The following PXT1 variants were observed in gnomAD, a reference collection of about 807,000 sequenced individuals.
PXT1 encodes the protein peroxisomal testis-specific protein 1.
Under a neutral mutation model 11.0 loss-of-function variants are expected in PXT1, and 11 were observed. The observed-to-expected ratio is 1.00, with a 90% CI of 0.63 to 1.66. The LOEUF (loss-of-function observed/expected upper bound fraction) is 1.66, where lower values mean the gene tolerates loss of function less well. Ranked by LOEUF, PXT1 falls within the 40% of genes most tolerant of loss-of-function variation. The pLI, the probability that PXT1 is intolerant of heterozygous loss-of-function variation, is 0.00. For missense variants in PXT1, 141 were observed against 155.5 expected (o/e 0.91, Z 0.49); for synonymous variants, 43 against 51.4 (o/e 0.84, Z 0.70).
chr6:36,406,376 G>A (rs887836746), intron 3 of PXT1, among the ~76,000 whole-genome samples: 4 of 152,142 alleles, frequency 2.6e-5, no homozygotes, highest in Non-Finnish European at 5.9e-5. Context: ...GTGGCATTGG[G>A]ATCACAAATG....
At chr6:36,415,590 T>A (rs1286343000) in intron 3 of PXT1, among the ~76,000 whole-genome samples, 1 of 152,182 alleles carries the variant, frequency 6.6e-6, no homozygotes, top group Non-Finnish European at 1.5e-5. Context: ...GTTACCAAAC[T>A]GGACTTGGCA....
intron 2 of PXT1, among the ~76,000 whole-genome samples, chr6:36,430,938 C>T (rs944907092): frequency 2.0e-5 from 3 of 152,116 alleles, no homozygotes; most frequent in African/African-American, 7.2e-5. Context: ...CCTCAGCCTC[C>T]TGAGTGGCTG....
intron 3 of PXT1, among the ~76,000 whole-genome samples, chr6:36,422,560 G>A (rs1774537191): frequency 6.6e-6 from 1 of 152,036 alleles, no homozygotes; most frequent in African/African-American, 2.4e-5. Flanking sequence ...TGAAGGAACT[G>A]GTACTGTTTT....
chr6:36,435,386 C>T (rs1774747043), intron 2 of PXT1, among the ~76,000 whole-genome samples: 1 of 151,932 alleles, frequency 6.6e-6, no homozygotes, highest in African/African-American at 2.4e-5. Flanking sequence ...AGGTAGACCC[C>T]CATCTCTACA....
At chr6:36,399,882 T>C (rs759745687) in intron 4 of PXT1, among the ~76,000 whole-genome samples, 1 of 152,186 alleles carries the variant, frequency 6.6e-6, no homozygotes, top group Non-Finnish European at 1.5e-5. Flanking sequence ...CATCCTACCC[T>C]TCGGGCTGAT....
At chr6:36,397,487 CTT>C (rs998703643) in intron 4 of PXT1, among the ~76,000 whole-genome samples, 85 of 152,228 alleles carry the variant, frequency 5.6e-4, no homozygotes, top group African/African-American at 2.0e-3. Context: ...AAGATAGACT[CTT>C]AACTAAAATG....
chr6:36,420,314 T>C (rs1186397898), intron 3 of PXT1, among the ~76,000 whole-genome samples: 2 of 152,236 alleles, frequency 1.3e-5, no homozygotes, highest in Admixed American at 6.5e-5. Flanking sequence ...TAAATTATGG[T>C]ATATCCACAC....
At chr6:36,409,860 A>AG (rs1774340771) in intron 3 of PXT1, among the ~76,000 whole-genome samples, 1 of 145,398 alleles carries the variant, frequency 6.9e-6, no homozygotes, top group African/African-American at 2.6e-5. Flanking sequence ...GAAGGAAGGA[A>AG]GGAGAAAGAA....
chr6:36,397,362 G>C (rs758573926), intron 4 of PXT1, among the ~76,000 whole-genome samples: 2 of 152,062 alleles, frequency 1.3e-5, no homozygotes, highest in Non-Finnish European at 2.9e-5. Context: ...GATCTCTGGA[G>C]CCCAGGAGTT....
intron 2 of PXT1, among the ~76,000 whole-genome samples, chr6:36,436,426 T>G (rs1165935076): frequency 6.6e-6 from 1 of 152,166 alleles, no homozygotes; most frequent in Admixed American, 6.5e-5. Flanking sequence ...GAACTAGAAT[T>G]GATTGATTAG....
chr6:36,409,824 T>TGGAAGGAG (rs1774339973), intron 3 of PXT1, among the ~76,000 whole-genome samples: 1 of 97,578 alleles, frequency 1.0e-5, no homozygotes, highest in Non-Finnish European at 2.0e-5. Context: ...AGACCCTGTC[T>TGGAAGGAG]GGAAGGAAGG....
At chr6:36,440,724 C>T (rs189744039) in intron 1 of PXT1, among the ~76,000 whole-genome samples, 23 of 152,170 alleles carry the variant, frequency 1.5e-4, no homozygotes, top group African/African-American at 3.1e-4. Context: ...TCTCATATCC[C>T]GTCTCCTTGA....
At chr6:36,428,995 T>C (rs1190090229) in intron 2 of PXT1, among the ~76,000 whole-genome samples, 1 of 151,720 alleles carries the variant, frequency 6.6e-6, no homozygotes, top group Non-Finnish European at 1.5e-5. Flanking sequence ...CCAGAAGTGG[T>C]GTGGCTTATG....
At chr6:36,422,934 C>A (rs1161155965) in intron 3 of PXT1, among the ~76,000 whole-genome samples, 1 of 152,158 alleles carries the variant, frequency 6.6e-6, no homozygotes, top group Non-Finnish European at 1.5e-5. Context: ...CCTCCTTTTG[C>A]TTTTACTCAT....
intron 2 of PXT1, among the ~76,000 whole-genome samples, chr6:36,431,780 A>G (rs1055489225): frequency 2.6e-5 from 4 of 151,790 alleles, no homozygotes; most frequent in African/African-American, 9.7e-5. Context: ...ATATATATCT[A>G]TCTATCTAAA....
intron 3 of PXT1, among the ~76,000 whole-genome samples, chr6:36,419,385 T>C (rs1209875036): frequency 1.3e-5 from 2 of 152,144 alleles, no homozygotes; most frequent in African/African-American, 2.4e-5. Context: ...GTTTCAATAA[T>C]GGACACTGGG....
intron 3 of PXT1, among the ~76,000 whole-genome samples, chr6:36,419,476 G>A (rs1191896468): frequency 6.6e-6 from 1 of 152,164 alleles, no homozygotes; most frequent in Non-Finnish European, 1.5e-5. Flanking sequence ...AAGGGGCAGA[G>A]GAGGAAGGAG....
chr6:36,419,211 A>T (rs76615075), intron 3 of PXT1, among the ~76,000 whole-genome samples: 9 of 152,220 alleles, frequency 5.9e-5, no homozygotes, highest in Non-Finnish European at 1.3e-4. Context: ...GGAAGACTGA[A>T]CAAATTTCAC....
intron 3 of PXT1, among the ~76,000 whole-genome samples, chr6:36,403,105 C>A (rs1037007173): frequency 1.3e-5 from 2 of 152,098 alleles, no homozygotes; most frequent in East Asian, 3.9e-4. Flanking sequence ...AGTGATCTGC[C>A]CACTTCGGCC....
Sources: gnomAD v4.1 joint callset for allele counts (sites outside exome capture counted in the v4.1 genomes callset) on GRCh38, gnomAD v4.1.1 for gene constraint, MANE v1.5 for transcripts, NCBI Gene and HGNC (gene_info 2026-07-23, HGNC 2026-07-21) for gene names.